Variants in ARHGEF12 observed in about 807,000 individuals in gnomAD.
ARHGEF12 encodes the protein KMT2A/ARHGEF12 fusion protein.
ARHGEF12 carries 66 observed loss-of-function variants against 211.2 expected under a neutral mutation model. The ratio of observed to expected loss-of-function variants is 0.31; its 90% CI spans 0.26 to 0.38. ARHGEF12 has a LOEUF of 0.38. Among genes scored for constraint, ARHGEF12 ranks in the 10% least tolerant of loss-of-function variants. ARHGEF12 has a pLI of 1.00. For synonymous variants in ARHGEF12, 592 were observed against 638.4 expected (o/e 0.93, Z 1.09); for missense variants, 1,429 against 1,869.5 (o/e 0.76, Z 4.34).
intron 27 of ARHGEF12, chr11:120,462,541 T>C (rs1381744555): frequency 6.6e-6 from 1 of 152,182 alleles, no homozygotes; most frequent in Non-Finnish European, 1.5e-5. Context: ...GCCATCAACC[T>C]TCAATTTGTA....
Position 120,486,695 on chromosome 11 carries a change from C to T in ARHGEF12, c.*1618C>T, listed in dbSNP as rs984876987. 1.9e-4 allele frequency: 42 copies of T among 220,036 alleles called. No homozygotes were observed. The highest frequency in any genetic ancestry group is 9.5e-4 in the African/African-American group (42 of 44,240). 13.6% of individuals were successfully genotyped at this position (220,036 alleles called of 1,614,324 possible). A position where few individuals can be genotyped will look rare whatever the true frequency, so the allele number is the denominator to read the frequency against. ...GGGTTGCTAGGATGTAATTTTAATG[C>T]TTCCCTGCAGTCCAAAGATGATTTT... On this transcript the variant is annotated 3_prime_UTR_variant, in exon 41 of 41. Transcript: ENST00000397843.
chr11:120,440,737 T>C (rs917673001), intron 13 of ARHGEF12, among the ~76,000 whole-genome samples: 2 of 152,170 alleles, frequency 1.3e-5, no homozygotes, highest in East Asian at 1.9e-4. Context: ...CACTATGAGG[T>C]TGAATCAGAG....
At chr11:120,428,006 T>C (rs1055418814) in intron 7 of ARHGEF12, 63 bp from the exon 8 acceptor site, 2 of 1,398,414 alleles carry the variant, frequency 1.4e-6, no homozygotes. Context: ...TAAAATGGTA[T>C]AAAAAGTTTC....
chr11:120,415,964 G>A (rs1053738567), intron 4 of ARHGEF12, among the ~76,000 whole-genome samples: 1 of 152,198 alleles, frequency 6.6e-6, no homozygotes, highest in Non-Finnish European at 1.5e-5. Flanking sequence ...AATTGAATAG[G>A]ATGTGTGCAT....
chr11:120,344,143 G>A (rs1282217137), intron 1 of ARHGEF12, among the ~76,000 whole-genome samples: 2 of 151,832 alleles, frequency 1.3e-5, no homozygotes, highest in East Asian at 1.9e-4. Context: ...GCACATGCCT[G>A]TAATCCCAGC....
chr11:120,404,161 G>A (rs751058914), intron 1 of ARHGEF12, among the ~76,000 whole-genome samples: 1 of 152,138 alleles, frequency 6.6e-6, no homozygotes, highest in African/African-American at 2.4e-5. Context: ...ACTCAAATCT[G>A]CAACTTTAGC....
chr11:120,477,642 A>ATC, intron 36 of ARHGEF12, 116 bp downstream of exon 36: 1 of 914,100 alleles, frequency 1.1e-6, no homozygotes, highest in Admixed American at 2.5e-5. Flanking sequence ...AGATAGGCGT[A>ATC]TCACCTGAGG....
intron 1 of ARHGEF12, among the ~76,000 whole-genome samples, chr11:120,381,972 A>G (rs1041350238): frequency 2.6e-5 from 4 of 152,234 alleles, no homozygotes; most frequent in African/African-American, 7.2e-5. Flanking sequence ...TCTTTCATGT[A>G]GTAAAATGTA....
intron 15 of ARHGEF12, among the ~76,000 whole-genome samples, chr11:120,444,705 A>C (rs973709373): frequency 4.6e-5 from 7 of 152,356 alleles, no homozygotes; most frequent in African/African-American, 1.7e-4. Context: ...CTCTTAATGC[A>C]AAATAATAAA....
chr11:120,462,233 G>A (rs903414544), intron 27 of ARHGEF12, among the ~76,000 whole-genome samples: 5 of 152,152 alleles, frequency 3.3e-5, no homozygotes, highest in African/African-American at 1.2e-4. Context: ...ATTCAATATT[G>A]TTGTGTCTCA....
rs76914431 is a variant in ARHGEF12, at chr11:120,342,719, C to G, written c.32+5444C>G. Reference sequence around the variant, plus strand: ...AAATGAAACAAATTTATACAAACAGCATGATTACCAAATCAACTAATTAAG... The same window carrying G: ...AAATGAAACAAATTTATACAAACAGGATGATTACCAAATCAACTAATTAAG... On this transcript the variant is annotated intron_variant, in intron 1 of 40. Transcript: ENST00000397843. Among the ~76,000 whole-genome samples the G allele has an allele frequency of 3.3e-5, 5 of 152,258 alleles. No homozygotes were observed. In the East Asian group the frequency reaches 9.6e-4, roughly 29 times the overall value.
At chr11:120,445,822 C>G (rs1445725497) in intron 16 of ARHGEF12, among the ~76,000 whole-genome samples, 1 of 152,056 alleles carries the variant, frequency 6.6e-6, no homozygotes, top group Admixed American at 6.6e-5. Context: ...TGCTTGAACA[C>G]AGGAGGCGGA....
Position 120,460,644 on chromosome 11 carries a change from T to C in ARHGEF12, c.2528-28T>C, listed in dbSNP as rs181686905. The C allele has an allele frequency of 6.3e-6, 10 of 1,592,632 alleles. No individual in the cohort carries two copies. The Admixed American group carries it at 1.3e-4, about 21-fold the overall frequency. ...ATTCTGTCTACACTGAATGTGTTAC[T>C]AACGTTTTTCTATCTTTTTATCTTT... On this transcript the variant is annotated intron_variant, in intron 26 of 40. Transcript: ENST00000397843.
chr11:120,478,253 G>T lies in ARHGEF12; in HGVS notation c.3630G>T (p.Val1210=), dbSNP rs1478001194. 1 of 1,614,022 alleles carries T rather than the reference G, an allele frequency of 6.2e-7. No homozygotes were observed. The highest frequency in any genetic ancestry group is 8.5e-7 in the Non-Finnish European group (1 of 1,180,028). The change falls in exon 37 of 41, where the codon GTG becomes GTT. Residue 1210 remains valine (V), a synonymous_variant. Coordinates refer to ENST00000397843, the MANE Select transcript of ARHGEF12 (RefSeq NM_015313.3). ...AATCAGAGGTACGTGATCTGTTTGT[G>T]GCTGAGAGACAGTTTGCAAAGGAAC... ...SGKSEVRDLF[V]AERQFAKEQH...
chr11:120,389,171 A>G (rs754710338), intron 1 of ARHGEF12, among the ~76,000 whole-genome samples: 7 of 152,170 alleles, frequency 4.6e-5, no homozygotes, highest in Non-Finnish European at 1.0e-4. Flanking sequence ...ATGCCCGGCC[A>G]TAAGTCCTTT....
chr11:120,481,149 G>A, intron 38 of ARHGEF12, 111 bp from the exon 39 acceptor site: 1 of 944,514 alleles, frequency 1.1e-6, no homozygotes, highest in Non-Finnish European at 1.6e-6. Flanking sequence ...GGAATTAATG[G>A]CTTTTCCCTC....
At chr11:120,350,719 G>A (rs1258582066) in intron 1 of ARHGEF12, among the ~76,000 whole-genome samples, 2 of 152,086 alleles carry the variant, frequency 1.3e-5, no homozygotes, top group Non-Finnish European at 2.9e-5. Context: ...AAAGACATTG[G>A]TGTAAGTTGG....
chr11:120,480,342 T>G lies in ARHGEF12; in HGVS notation c.4149T>G (p.Asp1383Glu). The G allele has an allele frequency of 6.2e-7, 1 of 1,614,208 alleles. No individual in the cohort carries two copies. The highest frequency in any genetic ancestry group is 8.5e-7 in the Non-Finnish European group (1 of 1,180,040). The change falls in exon 38 of 41, where the codon GAT becomes GAG. Residue 1383 changes from aspartate (D) to glutamate (E), a missense_variant. By Grantham distance (45) the Asp-to-Glu change is conservative. Around this residue, in one of 7 missense-constraint regions of ARHGEF12, gnomAD observed 467 missense variants for 468.4 expected, o/e 1.00. Transcript: ENST00000397843. ...GLDDSGEHFFDAREAHSDENP... is the reference protein window; with the variant it reads ...GLDDSGEHFFEAREAHSDENP... ...ATGACAGTGGAGAGCACTTTTTTGA[T>G]GCCCGTGAAGCACATAGTGATGAGA...
chr11:120,462,052 A>AT, intron 27 of ARHGEF12, among the ~76,000 whole-genome samples: 1 of 152,086 alleles, frequency 6.6e-6, no homozygotes, highest in South Asian at 2.1e-4. Context: ...TCCTTCAAGA[A>AT]TTTTTTCTTT....
Sources: allele counts gnomAD v4.1 joint callset (sites outside exome capture counted in the v4.1 genomes callset), GRCh38; gene constraint gnomAD v4.1.1; regional missense constraint gnomAD v4.1.1; transcripts MANE v1.5; gene names NCBI Gene and HGNC (gene_info 2026-07-23, HGNC 2026-07-21).